CELF2: variants seen among roughly 807,000 people sequenced by gnomAD.
CELF2 encodes CUGBP Elav-like family member 2.
CELF2 carries 8 observed loss-of-function variants against 62.6 expected under a neutral mutation model. That is an observed-to-expected ratio of 0.13 (90% CI 0.07 to 0.23). The LOEUF (loss-of-function observed/expected upper bound fraction) is 0.23. CELF2 is among the 10% of genes least tolerant of loss of function. CELF2 has a pLI of 1.00. For missense variants in CELF2, 333 were observed against 671.0 expected (o/e 0.50, Z 5.56); for synonymous variants, 258 against 250.0 (o/e 1.03, Z -0.30).
At chr10:10,800,918 A>G (rs1393051024) in intron 1 of CELF2, among the ~76,000 whole-genome samples, 1 of 152,184 alleles carries the variant, frequency 6.6e-6, no homozygotes, top group African/African-American at 2.4e-5. Context: ...AAGTGCTTTC[A>G]AACAATTTTT....
chr10:10,469,689 G>A, the CELF2 span, among the ~76,000 whole-genome samples: 19 of 151,752 alleles, frequency 1.3e-4, no homozygotes, highest in South Asian at 1.0e-3. Context: ...TTCCTTCTCT[G>A]TTTTATGCAA....
intron 2 of CELF2, among the ~76,000 whole-genome samples, chr10:11,213,180 C>T (rs2062379599): frequency 6.6e-6 from 1 of 152,188 alleles, no homozygotes; most frequent in African/African-American, 2.4e-5. Context: ...GCCCAAGGGA[C>T]TGTCCCCTCT....
the CELF2 span, among the ~76,000 whole-genome samples, chr10:10,766,770 C>T: frequency 2.0e-5 from 3 of 152,204 alleles, no homozygotes; most frequent in Non-Finnish European, 4.4e-5. Flanking sequence ...GACCCCTGCC[C>T]CTGTGGGGTT....
rs2053293108 is a variant in CELF2, at chr10:10,990,393, G to C, written c.89+70394G>C. On this transcript the variant is annotated intron_variant, in intron 2 of 13. Coordinates refer to the CELF2 transcript ENST00000636488. The surrounding 1 kb of genome is among the most constrained non-coding windows in gnomAD (Gnocchi z 4.6). Reference sequence around the variant, plus strand: ...CAAAAGTTAAACAATTTTGTATCTAGTGAGATTGAGGTGTAGATAATTTTT... The same window carrying C: ...CAAAAGTTAAACAATTTTGTATCTACTGAGATTGAGGTGTAGATAATTTTT... Among the ~76,000 whole-genome samples the C allele has an allele frequency of 6.6e-6, 1 of 152,082 alleles. No homozygotes were observed. Among genetic ancestry groups the C allele is most frequent in the Non-Finnish European group, 1.5e-5 (1 of 67,994 alleles).
the CELF2 span, among the ~76,000 whole-genome samples, chr10:10,710,855 G>A: frequency 3.9e-5 from 6 of 152,268 alleles, no homozygotes; most frequent in African/African-American, 7.2e-5. Flanking sequence ...CAACTGAGAC[G>A]TTGATACTGG....
At chr10:10,837,698 G>A (rs1564696939) in intron 1 of CELF2, among the ~76,000 whole-genome samples, 1 of 152,056 alleles carries the variant, frequency 6.6e-6, no homozygotes, top group Non-Finnish European at 1.5e-5. Context: ...CCAAACTTTG[G>A]AGTCATTTTC....
In CELF2 at chr10:11,012,133, A is replaced by G. The variant is rs1384343046; in HGVS notation, c.53+6693A>G. On this transcript the variant is annotated intron_variant, in intron 1 of 12. Transcript: ENST00000416382. The surrounding 1 kb of genome is among the most constrained non-coding windows in gnomAD (Gnocchi z 5.5). ...ATTAAATGACTCATTCCCATTGTCA[A>G]TCAACTCTTTGACAGAATGAAATGC... Among the ~76,000 whole-genome samples the G allele has an allele frequency of 2.0e-5, 3 of 152,158 alleles. No homozygotes were observed. The highest frequency in any genetic ancestry group is 4.8e-5 in the African/African-American group (2 of 41,454).
At chr10:11,006,861 A>G (rs748785862) in intron 1 of CELF2, among the ~76,000 whole-genome samples, 15 of 152,234 alleles carry the variant, frequency 9.9e-5, no homozygotes, top group African/African-American at 2.4e-4. Context: ...CACATCTTCA[A>G]ATATCTTTCA....
chr10:11,024,458 C>T lies in CELF2; in HGVS notation c.74+6295C>T, dbSNP rs188767927. 2.4e-3 allele frequency among the ~76,000 whole-genome samples: 372 copies of T among 152,090 alleles called. 2 individuals are homozygous for T. Among genetic ancestry groups the T allele is most frequent in the African/African-American group, 8.8e-3 (364 of 41,476 alleles). ...TCTACTAAAAATACAAAAATTAGTTCGCCGTGGTTTCGCATGCCTCTAGTC... is the reference window on the plus strand; with the variant it reads ...TCTACTAAAAATACAAAAATTAGTTTGCCGTGGTTTCGCATGCCTCTAGTC... On this transcript the variant is annotated intron_variant, in intron 1 of 12. Transcript: ENST00000633077.
the CELF2 span, among the ~76,000 whole-genome samples, chr10:10,766,091 C>G: frequency 6.6e-6 from 1 of 152,200 alleles, no homozygotes; most frequent in Non-Finnish European, 1.5e-5. Flanking sequence ...TCCACTCAGC[C>G]CGGAAACCAG....
chr10:10,919,888 T>TAATA (rs1244311674), intron 1 of CELF2: 3 of 966,562 alleles, frequency 3.1e-6, no homozygotes, highest in Non-Finnish European at 4.0e-6. Context: ...TAATACTTAT[T>TAATA]ATGTGATTAA....
At chr10:11,225,858 T>A (rs1032613229) in intron 3 of CELF2, among the ~76,000 whole-genome samples, 1 of 152,352 alleles carries the variant, frequency 6.6e-6, no homozygotes, top group Non-Finnish European at 1.5e-5. Context: ...TTATTTGTTA[T>A]CCCTTCTAAA....
chr10:11,142,639 A>G (rs150866499), intron 1 of CELF2, among the ~76,000 whole-genome samples: 1,684 of 146,700 alleles, frequency 0.011, 26 homozygotes, highest in African/African-American at 0.041. Flanking sequence ...AGCCGAGATC[A>G]TGCCACTGCG....
intron 1 of CELF2, among the ~76,000 whole-genome samples, chr10:10,833,598 A>G (rs2058048116): frequency 6.6e-6 from 1 of 152,256 alleles, no homozygotes; most frequent in South Asian, 2.1e-4. Context: ...TGATGCGAAC[A>G]GTGCGTGCAC....
intron 1 of CELF2, among the ~76,000 whole-genome samples, chr10:10,835,212 G>T (rs1408726786): frequency 6.6e-6 from 1 of 151,964 alleles, no homozygotes; most frequent in African/African-American, 2.4e-5. Flanking sequence ...GAGTGTGCTA[G>T]TGCAGTCCTA....
intron 1 of CELF2, among the ~76,000 whole-genome samples, chr10:11,084,975 G>A (rs1040734597): frequency 6.6e-6 from 1 of 152,108 alleles, no homozygotes; most frequent in Admixed American, 6.5e-5. Flanking sequence ...TGCTATTACT[G>A]TATTTTTCAA....
At chr10:10,485,479 C>A in the CELF2 span, among the ~76,000 whole-genome samples, 1 of 152,176 alleles carries the variant, frequency 6.6e-6, no homozygotes, top group African/African-American at 2.4e-5. Flanking sequence ...CAAGTGTGAA[C>A]AATCAGACAA....
chr10:10,756,253 A>C, the CELF2 span, among the ~76,000 whole-genome samples: 1 of 152,190 alleles, frequency 6.6e-6, no homozygotes, highest in African/African-American at 2.4e-5. Flanking sequence ...TAATATTCTC[A>C]TACAGCAGAC....
At chr10:11,219,317 C>T (rs1207816446) in intron 3 of CELF2, among the ~76,000 whole-genome samples, 1 of 152,196 alleles carries the variant, frequency 6.6e-6, no homozygotes, top group East Asian at 1.9e-4. Flanking sequence ...GGGATTCTTA[C>T]ACTGACTCTT....
Sources: allele counts gnomAD v4.1 joint callset (sites outside exome capture counted in the v4.1 genomes callset), GRCh38; gene constraint gnomAD v4.1.1; non-coding constraint Gnocchi (gnomAD v3.1); transcripts MANE v1.5; gene names NCBI Gene and HGNC (gene_info 2026-07-23, HGNC 2026-07-21).